Variants in SZT2 observed in about 807,000 individuals in gnomAD.
SZT2 encodes SZT2 subunit of KICSTOR complex, also known as KICSTOR complex protein SZT2.
In SZT2, 216 loss-of-function variants were observed where a neutral mutation model predicts 404.2. The observed-to-expected ratio is 0.53, with a 90% CI of 0.48 to 0.60. The LOEUF (loss-of-function observed/expected upper bound fraction) is 0.60, where lower values mean the gene tolerates loss of function less well. SZT2 is among the 20% of genes least tolerant of loss of function. The probability of loss-of-function intolerance (pLI) is 0.00; values close to 1 mark genes in which losing one functional copy is unlikely to be tolerated. For missense variants in SZT2, 3,857 were observed against 4,459.2 expected, an observed-to-expected ratio of 0.86 and a Z score of 3.85; for synonymous variants, 1,693 against 1,749.9, an observed-to-expected ratio of 0.97 and a Z score of 0.81.
chr1:43,450,438 CATCAACA>C lies in SZT2; in HGVS notation c.10258_10264del (p.Ile3420GlnfsTer50). 6.2e-7 allele frequency: 1 copy of C among 1,614,138 alleles called. No individual in the cohort carries two copies. Among genetic ancestry groups the C allele is most frequent in the Non-Finnish European group, 8.5e-7 (1 of 1,180,002 alleles). On this transcript the variant is annotated frameshift_variant, in exon 72 of 72. Coordinates refer to ENST00000634258, the MANE Select transcript of SZT2 (RefSeq NM_001365999.1). LOFTEE classifies it high-confidence loss of function. This position sits in a 1 kb window ranked among gnomAD's most constrained non-coding sequence, Gnocchi z 4.3. ...CCACCTACCACCACCTGGAGTCTGTCATCAACACAGCCTGTTTCACCCTCTGGACCCG... is the reference window on the plus strand; with the variant it reads ...CCACCTACCACCACCTGGAGTCTGTCCAGCCTGTTTCACCCTCTGGACCCG...
At chr1:43,447,775 G>A (rs918716886) in intron 67 of SZT2, 74 bp from the exon 68 acceptor site, 13 of 1,610,822 alleles carry the variant, frequency 8.1e-6, no homozygotes, top group Non-Finnish European at 1.7e-6. Context: ...GGAGACCAAT[G>A]TTTTCTTGGG....
Position 43,445,948 on chromosome 1 carries a change from C to T in SZT2, c.8880C>T (p.Phe2960=), listed in dbSNP as rs1441026691. Residue 2960 remains phenylalanine, a synonymous_variant, in exon 63 of 72, where the codon TTC becomes TTT. Transcript: ENST00000634258. The part of the protein sequence containing the change: ...AILGTEGRGS[F]SCPKTKTDGS... ...TTGGAACAGAGGGTCGAGGCTCCTTCTCCTGCCCTAAAACCAAGACTGATG... is the reference window on the plus strand; with the variant it reads ...TTGGAACAGAGGGTCGAGGCTCCTTTTCCTGCCCTAAAACCAAGACTGATG... 6.2e-7 allele frequency: 1 copy of T among 1,614,238 alleles called. No individual in the cohort carries two copies. The highest frequency in any genetic ancestry group is 8.5e-7 in the Non-Finnish European group (1 of 1,180,034).
chr1:43,440,812 G>A (rs1654983236), intron 52 of SZT2, among the ~76,000 whole-genome samples: 1 of 152,210 alleles, frequency 6.6e-6, no homozygotes, highest in African/African-American at 2.4e-5. Flanking sequence ...GCTGTAGTAC[G>A]TTGTGATCAT....
rs1218697664 is a variant in SZT2 at position 43,443,569 on chromosome 1, G to A, written c.8626-28G>A. 2.5e-6 allele frequency: 4 copies of A among 1,613,830 alleles called. No individual in the cohort carries two copies. The South Asian group carries it at 4.4e-5, about 18-fold the overall frequency. The stretch of plus-strand genomic sequence containing the variant: ...CCAGCAGGATGGTTGACAGTGGGGA[G>A]AGTCTTCCTTGATCTTTACTCTCAT... On this transcript the variant is annotated intron_variant, in intron 61 of 71. Coordinates refer to ENST00000634258, the MANE Select transcript of SZT2 (RefSeq NM_001365999.1).
In SZT2 at chr1:43,450,015, G is replaced by A. The variant is rs911677276; in HGVS notation, c.10087-88G>A. The A allele has an allele frequency of 2.7e-6, 4 of 1,503,456 alleles. No individual in the cohort carries two copies. In the African/African-American group the frequency reaches 4.1e-5, roughly 16 times the overall value. The allele number at this position is 1,503,456 out of a possible 1,614,324, so 93.1% of individuals were successfully genotyped here. ...GGCGGGGTGAGGTGTGGAGATGGAA[G>A]TAGGCCTCTCCTCATCCTCCCTTCA... On this transcript the variant is annotated intron_variant, in intron 70 of 71. Coordinates refer to ENST00000634258, the MANE Select transcript of SZT2 (RefSeq NM_001365999.1). This position sits in a 1 kb window ranked among gnomAD's most constrained non-coding sequence, Gnocchi z 4.3.
At chr1:43,436,655 G>A (rs1654485236) in intron 42 of SZT2, 1 of 156,650 alleles carries the variant, frequency 6.4e-6, no homozygotes, top group South Asian at 1.9e-4. Context: ...GTCGAAGGAG[G>A]CATTGTACTG....
At chr1:43,447,443 C>T in intron 66 of SZT2, 102 bp from the exon 67 acceptor site, 3 of 1,461,208 alleles carry the variant, frequency 2.1e-6, no homozygotes, top group Non-Finnish European at 1.8e-6. Context: ...ACCCACTCTG[C>T]CTGCCAGTCA....
At position 43,452,088 on chromosome 1, in the gene SZT2, C is replaced by T. The variant is rs529232813; in HGVS notation, c.*1608C>T. ...CCCATCAGTCAGTCACTGGTCAAGG[C>T]CCTCACCTGTTCCTCTGACCTAGGC... On this transcript the variant is annotated 3_prime_UTR_variant, in exon 72 of 72. Transcript: ENST00000634258. The T allele has an allele frequency of 1.1e-4, 175 of 1,524,826 alleles. 1 individual carries two copies. In the East Asian group the frequency reaches 3.9e-3, roughly 34 times the overall value. The allele number at this position is 1,524,826 out of a possible 1,614,324, so 94.5% of individuals were successfully genotyped here. A position where few individuals can be genotyped will look rare whatever the true frequency, so the allele number is the denominator to read the frequency against.
intron 29 of SZT2, 42 bp downstream of exon 29, chr1:43,429,886 G>T: frequency 6.2e-7 from 1 of 1,613,286 alleles, no homozygotes. Flanking sequence ...TTAGAGTCCT[G>T]CCTGTGCAGA....
In SZT2 at chr1:43,420,705, A is replaced by G. The variant is rs750403345; in HGVS notation, c.1262-44A>G. ...AGATAGAACTCGATCCCAGGCCTAG[A>G]GTCCTATGCCTTCTCCTAACTGGCC... is the stretch of plus-strand genomic sequence containing the variant. On this transcript the variant is annotated intron_variant, in intron 9 of 71. Coordinates refer to ENST00000634258, the MANE Select transcript of SZT2 (RefSeq NM_001365999.1). This position sits in a 1 kb window ranked among gnomAD's most constrained non-coding sequence, Gnocchi z 5.1. The G allele has an allele frequency of 3.2e-6, 5 of 1,540,504 alleles. No homozygotes were observed. Among genetic ancestry groups the G allele is most frequent in the Non-Finnish European group, 2.7e-6 (3 of 1,129,062 alleles).
rs774760125 is a variant in SZT2, at chr1:43,452,018, C to G, written c.*1538C>G. 1 of 1,603,456 alleles carries G rather than the reference C, an allele frequency of 6.2e-7. No homozygotes were observed. The highest frequency in any genetic ancestry group is 1.7e-5 in the Admixed American group (1 of 59,518). The stretch of plus-strand genomic sequence containing the variant: ...CAGCAGTCCCACGAGGTCCTCCTAG[C>G]AGCATGTCGGGTGCTGTGAATAGAG... On this transcript the variant is annotated 3_prime_UTR_variant, in exon 72 of 72. Transcript: ENST00000634258.
rs777947989 is a variant in SZT2 at position 43,421,161 on chromosome 1, C to G, written c.1497-13C>G. The G allele has an allele frequency of 2.5e-6, 4 of 1,598,064 alleles. No individual in the cohort carries two copies. Among genetic ancestry groups the G allele is most frequent in the African/African-American group, 2.7e-5 (2 of 74,914 alleles). On this transcript the variant is annotated splice_polypyrimidine_tract_variant and intron_variant, in intron 10 of 71. Transcript: ENST00000634258. ...GAGTCAGATATGGCTCAGGCCTGGC[C>G]CTTATTCTACAGCATCAACCAGACA...
At chr1:43,396,888 G>C (rs564246864) in intron 1 of SZT2, among the ~76,000 whole-genome samples, 2 of 152,256 alleles carry the variant, frequency 1.3e-5, no homozygotes, top group South Asian at 4.1e-4. Flanking sequence ...TCCAAAAATA[G>C]AATAGCTTAC....
rs1404939086 is a variant in SZT2, at chr1:43,453,459, G to A, written c.*2979G>A. ...TCTCGGAAGGCCGCCTGTCTCCCGG[G>A]GACGGCCCCCAGCCCCATTTCCCCC... On this transcript the variant is annotated 3_prime_UTR_variant, in exon 72 of 72. Transcript: ENST00000634258. 1 of 1,563,512 alleles carries A rather than the reference G, an allele frequency of 6.4e-7. No individual in the cohort carries two copies. The highest frequency in any genetic ancestry group is 2.4e-5 in the East Asian group (1 of 41,510).
chr1:43,440,486 G>A lies in SZT2; in HGVS notation c.7244G>A (p.Ser2415Asn). ...SLRNGSLETKSSAGRASTFPP... is the reference protein window; with the variant it reads ...SLRNGSLETKNSAGRASTFPP... ...AGGAACGGATCGTTGGAAACTAAGA[G>A]CTCTGCAGGCCGAGCTAGCACCTTT... is the stretch of plus-strand genomic sequence containing the variant. Residue 2415 changes from serine (S) to asparagine (N), a missense_variant, in exon 52 of 72, where the codon AGC becomes AAC. Transcript: ENST00000634258. 1 of 1,604,710 alleles carries A rather than the reference G, an allele frequency of 6.2e-7. No individual in the cohort carries two copies. The highest frequency in any genetic ancestry group is 1.1e-5 in the South Asian group (1 of 89,912).
At chr1:43,423,445 G>A (rs1373843036) in intron 15 of SZT2, 129 bp downstream of exon 15, 5 of 939,482 alleles carry the variant, frequency 5.3e-6, no homozygotes, top group East Asian at 2.7e-5. Context: ...GGTATGAGTG[G>A]TACAAAGGTG....
At position 43,450,276 on chromosome 1, in the gene SZT2, T is replaced by A; in HGVS notation, c.10156-61T>A. 2 of 1,613,674 alleles carry A rather than the reference T, an allele frequency of 1.2e-6. No homozygotes were observed. The highest frequency in any genetic ancestry group is 2.2e-5 in the South Asian group (2 of 91,068). ...TGGGGTGCCCACCCTTTCTGAGCCC[T>A]GCCTCCTATCCCCACCCATGCCCTC... On this transcript the variant is annotated intron_variant, in intron 71 of 71. Transcript: ENST00000634258. The surrounding 1 kb of genome is among the most constrained non-coding windows in gnomAD (Gnocchi z 4.3).
At chr1:43,433,686 G>T (rs1459998947) in intron 40 of SZT2, among the ~76,000 whole-genome samples, 2 of 152,186 alleles carry the variant, frequency 1.3e-5, no homozygotes. Flanking sequence ...GGAGGCTGAG[G>T]CAGAAGAATC....
Position 43,421,098 on chromosome 1 carries a change from C to G in SZT2, c.1497-76C>G. On this transcript the variant is annotated intron_variant, in intron 10 of 71. Transcript: ENST00000634258. ...GAGAACCAGGCTTATATCCAGGGTCCCATGTCCCCCTAAGGCTCCCCTCAT... is the reference window on the plus strand; with the variant it reads ...GAGAACCAGGCTTATATCCAGGGTCGCATGTCCCCCTAAGGCTCCCCTCAT... The G allele has an allele frequency of 1.9e-6, 3 of 1,595,948 alleles. No homozygotes were observed. The East Asian group carries it at 6.7e-5, about 36-fold the overall frequency.
Sources: allele counts gnomAD v4.1 joint callset (sites outside exome capture counted in the v4.1 genomes callset), GRCh38; gene constraint gnomAD v4.1.1; non-coding constraint Gnocchi (gnomAD v3.1); transcripts MANE v1.5; gene names NCBI Gene and HGNC (gene_info 2026-07-23, HGNC 2026-07-21).